CCDC171: variants seen among roughly 807,000 people sequenced by gnomAD.
CCDC171 encodes coiled-coil domain containing 171.
Under a neutral mutation model 168.2 loss-of-function variants are expected in CCDC171, and 177 were observed. The ratio of observed to expected loss-of-function variants is 1.05; its 90% CI spans 0.93 to 1.19. The LOEUF (loss-of-function observed/expected upper bound fraction) is 1.19, where lower values mean the gene tolerates loss of function less well. Among genes scored for constraint, CCDC171 ranks in the 50% most tolerant of loss-of-function variants. The pLI is 0.00. For synonymous variants in CCDC171, 687 were observed against 540.8 expected, an observed-to-expected ratio of 1.27 and a Z score of -3.75; for missense variants, 1,991 against 1,539.0, an observed-to-expected ratio of 1.29 and a Z score of -4.91.
At chr9:15,722,357 A>T (rs1041936692) in intron 12 of CCDC171, among the ~76,000 whole-genome samples, 3 of 152,214 alleles carry the variant, frequency 2.0e-5, no homozygotes, top group Non-Finnish European at 4.4e-5. Context: ...AGAAGTTTTT[A>T]AAAAACAAAT....
intron 3 of CCDC171, among the ~76,000 whole-genome samples, chr9:16,014,907 A>G (rs1832970170): frequency 6.6e-6 from 1 of 152,114 alleles, no homozygotes; most frequent in South Asian, 2.1e-4. Flanking sequence ...AGAATGGTAA[A>G]TGAGTATTGG....
chr9:15,870,007 G>C (rs1467671686), intron 23 of CCDC171, among the ~76,000 whole-genome samples: 1 of 151,636 alleles, frequency 6.6e-6, no homozygotes, highest in East Asian at 1.9e-4. Context: ...AAATATCTTA[G>C]GCTTGGTGAA....
chr9:15,583,193 G>C (rs1161587348), intron 4 of CCDC171, among the ~76,000 whole-genome samples: 2 of 152,036 alleles, frequency 1.3e-5, no homozygotes, highest in East Asian at 1.9e-4. Context: ...GAGGAGGGCA[G>C]ATCACCAGGT....
At chr9:15,588,483 C>A in intron 4 of CCDC171, 1 of 300,624 alleles carries the variant, frequency 3.3e-6, no homozygotes, top group South Asian at 3.7e-5. Flanking sequence ...CTTCTTTGCC[C>A]CTGCAAAGAA....
At chr9:15,872,916 C>T (rs914183068) in intron 23 of CCDC171, among the ~76,000 whole-genome samples, 1 of 151,910 alleles carries the variant, frequency 6.6e-6, no homozygotes, top group Non-Finnish European at 1.5e-5. Flanking sequence ...TTGTAAAATA[C>T]GATTTGTTTT....
In CCDC171 at chr9:16,000,925, G is replaced by A. The variant is rs368890110; in HGVS notation, n.369-19664G>A. 1.4e-3 allele frequency among the ~76,000 whole-genome samples: 207 copies of A among 152,314 alleles called. 2 individuals are homozygous for A. Among genetic ancestry groups the A allele is most frequent in the African/African-American group, 4.7e-3 (194 of 41,572 alleles). On this transcript the variant is annotated intron_variant and non_coding_transcript_variant, in intron 3 of 9. Coordinates refer to the CCDC171 transcript ENST00000486641. The stretch of plus-strand genomic sequence containing the variant: ...GCCTTTGATGGGGGAGGAGGATGGA[G>A]TGGAGTGGGAAGGGAGGATCATCAG...
chr9:15,640,402 A>G (rs949945816), intron 7 of CCDC171, among the ~76,000 whole-genome samples: 2 of 152,110 alleles, frequency 1.3e-5, no homozygotes, highest in African/African-American at 2.4e-5. Flanking sequence ...AAAAAAAAAC[A>G]CCACCTTCAA....
At chr9:15,910,430 C>G (rs562289759) in intron 24 of CCDC171, among the ~76,000 whole-genome samples, 3 of 152,180 alleles carry the variant, frequency 2.0e-5, no homozygotes, top group African/African-American at 7.2e-5. Context: ...ATCTGTATGT[C>G]TGTTTTGTGC....
chr9:15,840,564 C>T (rs935444680), intron 21 of CCDC171, among the ~76,000 whole-genome samples: 2 of 152,096 alleles, frequency 1.3e-5, no homozygotes, highest in African/African-American at 4.8e-5. Flanking sequence ...GTTATAGCAG[C>T]ATCATGATGG....
intron 4 of CCDC171, among the ~76,000 whole-genome samples, chr9:15,579,727 A>G (rs2040964912): frequency 6.6e-6 from 1 of 152,192 alleles, no homozygotes; most frequent in Admixed American, 6.5e-5. Flanking sequence ...GAATGGAATC[A>G]TAAAGTATAT....
intron 24 of CCDC171, among the ~76,000 whole-genome samples, chr9:15,907,331 C>G (rs1453705408): frequency 6.6e-6 from 1 of 152,166 alleles, no homozygotes; most frequent in African/African-American, 2.4e-5. Flanking sequence ...TGGAACAGAA[C>G]AGAGCCCTCA....
chr9:15,798,083 C>T (rs926624596), intron 21 of CCDC171, among the ~76,000 whole-genome samples: 1 of 152,034 alleles, frequency 6.6e-6, no homozygotes, highest in Non-Finnish European at 1.5e-5. Flanking sequence ...TTTTAAGGTG[C>T]TGTAAGTCCT....
At chr9:16,007,145 A>G (rs1017657816) in intron 3 of CCDC171, among the ~76,000 whole-genome samples, 1 of 152,088 alleles carries the variant, frequency 6.6e-6, no homozygotes, top group South Asian at 2.1e-4. Context: ...GAGATGGTAT[A>G]TCATTGTGGT....
At chr9:15,702,956 T>A in intron 11 of CCDC171, among the ~76,000 whole-genome samples, 1 of 150,508 alleles carries the variant, frequency 6.6e-6, no homozygotes. Context: ...CAGGCTGGAG[T>A]GCAGTGGCGC....
intron 11 of CCDC171, among the ~76,000 whole-genome samples, chr9:15,710,720 C>T (rs997065351): frequency 4.6e-5 from 7 of 152,080 alleles, no homozygotes; most frequent in East Asian, 1.9e-4. Flanking sequence ...CTCATCCTCC[C>T]GCGTACCTGA....
the CCDC171 span, among the ~76,000 whole-genome samples, chr9:16,104,636 A>G: frequency 6.6e-6 from 1 of 152,146 alleles, no homozygotes; most frequent in South Asian, 2.1e-4. Flanking sequence ...TCAATCATTC[A>G]TCCATCCATG....
At chr9:15,585,304 A>G (rs754964224) in intron 4 of CCDC171, among the ~76,000 whole-genome samples, 25 of 152,154 alleles carry the variant, frequency 1.6e-4, no homozygotes, top group Non-Finnish European at 2.6e-4. Flanking sequence ...TTTCCTAGCA[A>G]CTCCATTCAT....
intron 7 of CCDC171, among the ~76,000 whole-genome samples, chr9:15,635,275 GC>G (rs1280668480): frequency 6.6e-6 from 1 of 152,104 alleles, no homozygotes; most frequent in Non-Finnish European, 1.5e-5. Flanking sequence ...AGGCCTGAGA[GC>G]CCCTTTTTAT....
At chr9:15,600,332 G>T (rs1015237147) in intron 6 of CCDC171, among the ~76,000 whole-genome samples, 2 of 152,182 alleles carry the variant, frequency 1.3e-5, no homozygotes, top group Admixed American at 6.5e-5. Context: ...TGTCCTTTCT[G>T]TTTGTTAGTT....
Sources: gnomAD v4.1 joint callset for allele counts (sites outside exome capture counted in the v4.1 genomes callset) on GRCh38, gnomAD v4.1.1 for gene constraint, MANE v1.5 for transcripts, NCBI Gene and HGNC (gene_info 2026-07-23, HGNC 2026-07-21) for gene names.